TATDN3: variants seen among roughly 807,000 people sequenced by gnomAD.
TATDN3 encodes TatD DNase domain containing 3.
TATDN3 carries 29 observed loss-of-function variants against 40.1 expected under a neutral mutation model. That is an observed-to-expected ratio of 0.72 (90% CI 0.54 to 0.99). TATDN3 has a LOEUF of 0.99. Ranked by LOEUF, TATDN3 falls within the 50% of genes least tolerant of loss-of-function variation. The pLI is 0.00. For synonymous variants in TATDN3, 105 were observed against 117.0 expected, an observed-to-expected ratio of 0.90 and a Z score of 0.66; for missense variants, 309 against 321.9, an observed-to-expected ratio of 0.96 and a Z score of 0.31.
At chr1:212,810,636 G>A (rs1359829057) in intron 8 of TATDN3, among the ~76,000 whole-genome samples, 4 of 151,878 alleles carry the variant, frequency 2.6e-5, no homozygotes, top group Middle Eastern at 3.4e-3. Flanking sequence ...CCAGTGAGCC[G>A]AGTACGTGCC....
At chr1:212,806,208 T>G (rs1206279821) in intron 7 of TATDN3, among the ~76,000 whole-genome samples, 1 of 152,190 alleles carries the variant, frequency 6.6e-6, no homozygotes, top group Non-Finnish European at 1.5e-5. Context: ...TTTGTGTCAC[T>G]TAGTTCCCCA....
chr1:212,809,630 A>G (rs1662741974), intron 8 of TATDN3, among the ~76,000 whole-genome samples: 3 of 151,640 alleles, frequency 2.0e-5, no homozygotes, highest in Non-Finnish European at 4.4e-5. Flanking sequence ...GCCTGCAGTG[A>G]GCCGAGATCG....
intron 7 of TATDN3, among the ~76,000 whole-genome samples, chr1:212,805,942 A>G (rs1035674200): frequency 3.9e-5 from 6 of 152,252 alleles, no homozygotes; most frequent in African/African-American, 1.4e-4. Flanking sequence ...ACACACATAC[A>G]TATAAGCACT....
intron 1 of TATDN3, 29 bp downstream of exon 1, chr1:212,792,016 G>T: frequency 6.2e-7 from 1 of 1,609,922 alleles, no homozygotes; most frequent in South Asian, 1.1e-5. Flanking sequence ...GGACCAGAGG[G>T]AGCAGGGAGG....
chr1:212,792,404 G>C (rs1661377867), intron 1 of TATDN3, among the ~76,000 whole-genome samples: 1 of 151,698 alleles, frequency 6.6e-6, no homozygotes, highest in Non-Finnish European at 1.5e-5. Flanking sequence ...GGCCGAGGCG[G>C]GCGCTGCGCA....
intron 8 of TATDN3, among the ~76,000 whole-genome samples, chr1:212,809,755 G>A (rs927146799): frequency 3.3e-5 from 5 of 151,712 alleles, no homozygotes; most frequent in African/African-American, 1.2e-4. Flanking sequence ...TAGGCACTGT[G>A]GCTCACACCT....
At chr1:212,807,196 C>T (rs541501636) in intron 7 of TATDN3, among the ~76,000 whole-genome samples, 55 of 151,882 alleles carry the variant, frequency 3.6e-4, no homozygotes, top group African/African-American at 1.2e-3. Flanking sequence ...TCGCCCACCT[C>T]GGCCTCCCAA....
Position 212,795,099 on chromosome 1 carries a change from T to C in TATDN3, c.71T>C (p.Leu24Ser). ...HLSAPDFDRD[L>S]DDVLEKAKKA... Reference sequence around the variant, plus strand: ...GATTTCTTATGCTTGTTTTAGGATTTGGATGATGTGTTGGAGAAAGCCAAG... The same window carrying C: ...GATTTCTTATGCTTGTTTTAGGATTCGGATGATGTGTTGGAGAAAGCCAAG... The change falls in exon 2 of 10, where the codon TTG becomes TCG. Residue 24 changes from leucine to serine, a missense_variant. Coordinates refer to ENST00000366974, the MANE Select transcript of TATDN3 (RefSeq NM_001042552.3). 1 of 1,612,436 alleles carries C rather than the reference T, an allele frequency of 6.2e-7. No homozygotes were observed. Among genetic ancestry groups the C allele is most frequent in the Non-Finnish European group, 8.5e-7 (1 of 1,178,768 alleles).
chr1:212,805,428 G>A (rs537230578), intron 7 of TATDN3, among the ~76,000 whole-genome samples: 43 of 151,048 alleles, frequency 2.8e-4, no homozygotes, highest in African/African-American at 1.0e-3. Context: ...GCTAATTTTT[G>A]TATTTTTAGT....
chr1:212,793,893 T>G (rs1661534571), intron 1 of TATDN3, among the ~76,000 whole-genome samples: 2 of 152,116 alleles, frequency 1.3e-5, no homozygotes, highest in African/African-American at 4.8e-5. Flanking sequence ...AGATTTATGT[T>G]TGGGGCATAT....
At chr1:212,801,165 C>G (rs1353876791) in intron 4 of TATDN3, among the ~76,000 whole-genome samples, 3 of 151,446 alleles carry the variant, frequency 2.0e-5, no homozygotes, top group Non-Finnish European at 4.4e-5. Flanking sequence ...ACACTCCAGC[C>G]TGGGTCACAA....
rs1663188201 is a variant in TATDN3, at chr1:212,816,439, C to T, written c.*1283C>T. On this transcript the variant is annotated 3_prime_UTR_variant, in exon 10 of 10. Transcript: ENST00000366974. The stretch of plus-strand genomic sequence containing the variant: ...GTATTTAATGCCACTGAACTGTACA[C>T]TTATAACGAATTAGGATAAATTTTA... 6.6e-6 allele frequency: 1 copy of T among 152,184 alleles called. No homozygotes were observed. The highest frequency in any genetic ancestry group is 1.5e-5 in the Non-Finnish European group (1 of 68,042). The allele number at this position is 152,184 out of a possible 1,614,324, so 9.4% of individuals were successfully genotyped here. A position where few individuals can be genotyped will look rare whatever the true frequency, so the allele number is the denominator to read the frequency against.
Position 212,792,042 on chromosome 1 carries a change from C to T in TATDN3, c.66+55C>T, listed in dbSNP as rs931585281. The T allele has an allele frequency of 9.6e-6, 15 of 1,562,918 alleles. No homozygotes were observed. In the South Asian group the frequency reaches 1.1e-4, roughly 12 times the overall value. On this transcript the variant is annotated intron_variant, in intron 1 of 9. Transcript: ENST00000366974. ...AGCAGGGAGGCCCCCGTCCTTTCCC[C>T]TCGTGTTATCTTTGCTCTCCTCCCT...
In TATDN3 at chr1:212,815,167, A is replaced by G; in HGVS notation, c.*11A>G. The G allele has an allele frequency of 2.5e-6, 4 of 1,601,366 alleles. No individual in the cohort carries two copies. Among genetic ancestry groups the G allele is most frequent in the Non-Finnish European group, 2.6e-6 (3 of 1,176,058 alleles). On this transcript the variant is annotated 3_prime_UTR_variant, in exon 10 of 10. Coordinates refer to ENST00000366974, the MANE Select transcript of TATDN3 (RefSeq NM_001042552.3). ...TTGCTCCAGAAATAGCTTCAAAACC[A>G]TCCATTACAAAATCGAATCAACTGC...
intron 9 of TATDN3, among the ~76,000 whole-genome samples, chr1:212,813,430 G>T (rs1282028442): frequency 2.6e-5 from 4 of 152,132 alleles, no homozygotes; most frequent in Admixed American, 1.3e-4. Flanking sequence ...CAGAGAATTG[G>T]CACTCAAAAT....
Position 212,815,843 on chromosome 1 carries a change from A to G in TATDN3, c.*687A>G, listed in dbSNP as rs1261321123. The G allele has an allele frequency of 9.2e-5, 14 of 152,170 alleles. No individual in the cohort carries two copies. The highest frequency in any genetic ancestry group is 9.2e-4 in the Admixed American group (14 of 15,266). 9.4% of individuals were successfully genotyped at this position (152,170 alleles called of 1,614,324 possible). A position where few individuals can be genotyped will look rare whatever the true frequency, so the allele number is the denominator to read the frequency against. On this transcript the variant is annotated 3_prime_UTR_variant, in exon 10 of 10. Transcript: ENST00000366974. ...AGCCTAAAGTGTGTTCTTACCACCTATTTTTCTTCCCATAGGAGTTAGCCA... is the reference window on the plus strand; with the variant it reads ...AGCCTAAAGTGTGTTCTTACCACCTGTTTTTCTTCCCATAGGAGTTAGCCA...
chr1:212,813,406 A>G (rs528755116), intron 9 of TATDN3, among the ~76,000 whole-genome samples: 7 of 152,258 alleles, frequency 4.6e-5, no homozygotes, highest in Middle Eastern at 3.4e-3. Context: ...CTGTGTCTCT[A>G]TGCCTGCCAA....
chr1:212,801,618 T>C (rs896565024), intron 4 of TATDN3, among the ~76,000 whole-genome samples: 1 of 152,200 alleles, frequency 6.6e-6, no homozygotes, highest in African/African-American at 2.4e-5. Flanking sequence ...TGATTTCTCC[T>C]ACTTCTCCAG....
chr1:212,802,915 A>G (rs1662253570), intron 5 of TATDN3, 152 bp downstream of exon 5: 1 of 576,908 alleles, frequency 1.7e-6, no homozygotes, highest in Non-Finnish European at 3.1e-6. Flanking sequence ...ATACTTCTTT[A>G]ATAAGCAAGA....
Sources: gnomAD v4.1 joint callset for allele counts (sites outside exome capture counted in the v4.1 genomes callset) on GRCh38, gnomAD v4.1.1 for gene constraint, MANE v1.5 for transcripts, NCBI Gene and HGNC (gene_info 2026-07-23, HGNC 2026-07-21) for gene names.